CSNK1G1: variants seen among roughly 807,000 people sequenced by gnomAD.
CSNK1G1 encodes casein kinase I isoform gamma-1.
Under a neutral mutation model 59.6 loss-of-function variants are expected in CSNK1G1, and 22 were observed. The ratio of observed to expected loss-of-function variants is 0.37; its 90% CI spans 0.26 to 0.53. CSNK1G1 has a LOEUF of 0.53. Ranked by LOEUF, CSNK1G1 falls within the 20% of genes least tolerant of loss-of-function variation. The pLI is 0.89. For synonymous variants in CSNK1G1, 179 were observed against 177.1 expected (o/e 1.01, Z -0.08); for missense variants, 384 against 519.5 (o/e 0.74, Z 2.54).
chr15:64,250,972 T>TG (rs1892047471), intron 4 of CSNK1G1, among the ~76,000 whole-genome samples: 1 of 152,226 alleles, frequency 6.6e-6, no homozygotes, highest in African/African-American at 2.4e-5. Context: ...TAGAGCTTTT[T>TG]GGTAAAAACA....
intron 4 of CSNK1G1, among the ~76,000 whole-genome samples, chr15:64,231,508 C>G (rs1215261357): frequency 6.6e-6 from 1 of 150,796 alleles, no homozygotes; most frequent in African/African-American, 2.4e-5. Flanking sequence ...TACTGTATCC[C>G]TAAGACTTAG....
chr15:64,235,067 G>T (rs1481477347), intron 4 of CSNK1G1, among the ~76,000 whole-genome samples: 1 of 151,904 alleles, frequency 6.6e-6, no homozygotes, highest in African/African-American at 2.4e-5. Context: ...GCAGGAGGAG[G>T]GTCAAAAAAA....
intron 4 of CSNK1G1, among the ~76,000 whole-genome samples, chr15:64,238,711 T>C (rs1239543614): frequency 6.6e-6 from 1 of 151,470 alleles, no homozygotes; most frequent in Non-Finnish European, 1.5e-5. Flanking sequence ...TGGCGTGTAT[T>C]CTGAATTCAA....
rs1351960915 is a variant in CSNK1G1, at chr15:64,165,612, T to C, written c.*6319A>G. The C allele has an allele frequency of 6.3e-6, 1 of 159,050 alleles. No homozygotes were observed. The highest frequency in any genetic ancestry group is 1.4e-5 in the Non-Finnish European group (1 of 72,940). The allele number at this position is 159,050 out of a possible 1,614,324, so 9.9% of individuals were successfully genotyped here. ...AAGGAATGAAACAAGAATGCCAAAT[T>C]ATTTTTGTTCACAGGAGTCTTGAAT... is the stretch of plus-strand genomic sequence containing the variant. On this transcript the variant is annotated 3_prime_UTR_variant, in exon 12 of 12. Coordinates refer to ENST00000303052, the MANE Select transcript of CSNK1G1 (RefSeq NM_022048.5).
At chr15:64,240,021 G>A (rs2082673359) in intron 4 of CSNK1G1, among the ~76,000 whole-genome samples, 1 of 152,098 alleles carries the variant, frequency 6.6e-6, no homozygotes, top group Admixed American at 6.5e-5. Flanking sequence ...ATCACTTGAG[G>A]TCAGGAGTTC....
chr15:64,203,674 G>T (rs2082138718), intron 9 of CSNK1G1, among the ~76,000 whole-genome samples: 1 of 132,146 alleles, frequency 7.6e-6, no homozygotes, highest in Non-Finnish European at 1.5e-5. Flanking sequence ...TCCAGCCTGG[G>T]CAACAAGAGT....
chr15:64,172,783 T>C (rs985072605), intron 11 of CSNK1G1, among the ~76,000 whole-genome samples: 1 of 152,212 alleles, frequency 6.6e-6, no homozygotes, highest in African/African-American at 2.4e-5. Flanking sequence ...GGAGGTGGGA[T>C]TGGCTCCTTT....
At chr15:64,337,377 C>T (rs1002394565) in intron 1 of CSNK1G1, among the ~76,000 whole-genome samples, 2 of 152,184 alleles carry the variant, frequency 1.3e-5, no homozygotes, top group African/African-American at 2.4e-5. Flanking sequence ...GAGACAGAAT[C>T]TTGCTCTGCC....
intron 1 of CSNK1G1, among the ~76,000 whole-genome samples, chr15:64,348,640 C>T (rs1463816764): frequency 2.0e-5 from 3 of 152,164 alleles, no homozygotes; most frequent in Non-Finnish European, 4.4e-5. Flanking sequence ...CACCAGCACC[C>T]ACATCAGAGA....
chr15:64,261,952 A>G (rs1488132301), intron 2 of CSNK1G1, among the ~76,000 whole-genome samples: 1 of 152,114 alleles, frequency 6.6e-6, no homozygotes, highest in African/African-American at 2.4e-5. Context: ...AAAAAAAAAA[A>G]AAAAAAAGCC....
At chr15:64,346,367 A>C (rs1897972798) in intron 1 of CSNK1G1, among the ~76,000 whole-genome samples, 1 of 151,640 alleles carries the variant, frequency 6.6e-6, no homozygotes, top group Non-Finnish European at 1.5e-5. Context: ...AACGATAAAA[A>C]ATTCTTGAAG....
Position 64,176,320 on chromosome 15 carries a change from AAG to A in CSNK1G1, c.1214+4026_1214+4027del. On this transcript the variant is annotated intron_variant, in intron 11 of 11. Transcript: ENST00000303052. This position sits in a 1 kb window ranked among gnomAD's most constrained non-coding sequence, Gnocchi z 5.2. ...ATATAAAGAGAAAAACACAGAAAGG[AAG>A]AGAGAGAAAGAGAGAGATATTAGTC... The A allele has an allele frequency of 2.5e-6, 1 of 398,784 alleles. No homozygotes were observed. Among genetic ancestry groups the A allele is most frequent in the Non-Finnish European group, 4.4e-6 (1 of 226,144 alleles). The allele number at this position is 398,784 out of a possible 1,614,324, so 24.7% of individuals were successfully genotyped here. A position where few individuals can be genotyped will look rare whatever the true frequency, so the allele number is the denominator to read the frequency against.
chr15:64,250,552 T>C (rs1424727989), intron 4 of CSNK1G1, among the ~76,000 whole-genome samples: 2 of 152,136 alleles, frequency 1.3e-5, no homozygotes, highest in Non-Finnish European at 2.9e-5. Context: ...AAGACCAGCC[T>C]GGGCAACATG....
chr15:64,166,072 A>C lies in CSNK1G1; in HGVS notation c.*5859T>G. ...TGACCAGTGCCAGGGTTTATGAAAC[A>C]TTATACATCTAAAAAAAAAAAAAGT... On this transcript the variant is annotated 3_prime_UTR_variant, in exon 12 of 12. Coordinates refer to ENST00000303052, the MANE Select transcript of CSNK1G1 (RefSeq NM_022048.5). This position sits in a 1 kb window ranked among gnomAD's most constrained non-coding sequence, Gnocchi z 4.5. 1.6e-6 allele frequency: 1 copy of C among 631,848 alleles called. No individual in the cohort carries two copies. The highest frequency in any genetic ancestry group is 2.8e-6 in the Non-Finnish European group (1 of 358,076). The allele number at this position is 631,848 out of a possible 1,614,324, so 39.1% of individuals were successfully genotyped here.
At chr15:64,180,308 C>G (rs1357660049) in intron 11 of CSNK1G1, 40 bp downstream of exon 11, 2 of 1,483,334 alleles carry the variant, frequency 1.3e-6, no homozygotes, top group East Asian at 4.5e-5. Flanking sequence ...AAAGATTTTT[C>G]AACCCATGAC....
intron 11 of CSNK1G1, among the ~76,000 whole-genome samples, chr15:64,179,412 G>A (rs1296281023): frequency 6.6e-6 from 1 of 151,414 alleles, no homozygotes; most frequent in Non-Finnish European, 1.5e-5. Flanking sequence ...GCTACCTGGG[G>A]GCTCATGAGA....
chr15:64,283,178 T>C (rs1894235321), intron 2 of CSNK1G1, among the ~76,000 whole-genome samples: 1 of 152,072 alleles, frequency 6.6e-6, no homozygotes, highest in Non-Finnish European at 1.5e-5. Context: ...AAAAAGTGTA[T>C]CTAAAGTGAC....
chr15:64,345,831 C>T (rs977516944), intron 1 of CSNK1G1, among the ~76,000 whole-genome samples: 2 of 151,966 alleles, frequency 1.3e-5, no homozygotes, highest in Non-Finnish European at 2.9e-5. Flanking sequence ...CTCACTCTGT[C>T]GCTAGGCTGG....
intron 1 of CSNK1G1, among the ~76,000 whole-genome samples, chr15:64,341,951 T>A (rs1897702560): frequency 1.3e-5 from 2 of 152,204 alleles, no homozygotes; most frequent in Admixed American, 6.5e-5. Context: ...AACTTTATAC[T>A]GAAAAAGCAC....
Sources: allele counts gnomAD v4.1 joint callset (sites outside exome capture counted in the v4.1 genomes callset), GRCh38; gene constraint gnomAD v4.1.1; non-coding constraint Gnocchi (gnomAD v3.1); transcripts MANE v1.5; gene names NCBI Gene and HGNC (gene_info 2026-07-23, HGNC 2026-07-21).